The following EMC1 variants were observed in gnomAD, a reference collection of about 807,000 sequenced individuals.
EMC1 encodes KIAA0090.
In EMC1, 103 loss-of-function variants were observed where a neutral mutation model predicts 128.8. The observed-to-expected ratio is 0.80, with a 90% CI of 0.68 to 0.94. EMC1 has a LOEUF of 0.94. EMC1 is among the 40% of genes least tolerant of loss of function. EMC1 has a pLI of 0.00. For synonymous variants in EMC1, 442 were observed against 490.4 expected (o/e 0.90, Z 1.30); for missense variants, 1,083 against 1,250.6 (o/e 0.87, Z 2.02).
chr1:19,226,442 C>T (rs897142879), intron 18 of EMC1, among the ~76,000 whole-genome samples: 1 of 151,744 alleles, frequency 6.6e-6, no homozygotes, highest in African/African-American at 2.4e-5. Context: ...CATAGTGAGA[C>T]CCTGTCAATA....
rs1370882607 is a variant in EMC1, at chr1:19,237,236, C to T, written c.1215G>A (p.Leu405=). 1 of 1,612,438 alleles carries T rather than the reference C, an allele frequency of 6.2e-7. No individual in the cohort carries two copies. Among genetic ancestry groups the T allele is most frequent in the South Asian group, 1.1e-5 (1 of 91,064 alleles). The part of the protein sequence containing the change: ...LEQSGTRPER[L]YIQVFLKKDD... ...CCTTCTTCAAGAACACCTGGATATA[C>T]AGCTATAAGCCACAGTCAAGACCGG... Residue 405 remains leucine (L), a splice_region_variant and synonymous_variant, in exon 12 of 23, where the codon CTG becomes CTA. Coordinates refer to ENST00000477853, the MANE Select transcript of EMC1 (RefSeq NM_015047.3).
intron 2 of EMC1, chr1:19,244,445 T>C (rs10917269): frequency 0.14 from 35,793 of 256,784 alleles, 2,743 homozygotes; most frequent in African/African-American, 0.19. Flanking sequence ...AAGGTGTTGC[T>C]CTATTGCCCA....
rs6661253 is a variant in EMC1, at chr1:19,243,652, G to A, written c.342C>T (p.Ile114=). The stretch of plus-strand genomic sequence containing the variant: ...GGGTTATCTCCCAGTTCAGGCCCCC[G>A]ATGTTAGTCTCCCAGGAACGCATGA... ...GRIMRSWETN[I]GGLNWEITLD... The change falls in exon 4 of 23, where the codon ATC becomes ATT. Residue 114 remains isoleucine, a synonymous_variant. Transcript: ENST00000477853. 7.2e-3 allele frequency: 11,659 copies of A among 1,614,076 alleles called. 608 individuals carry two copies. The African/African-American group carries it at 0.11, about 16-fold the overall frequency.
chr1:19,225,386 TC>T (rs780377942), intron 18 of EMC1, among the ~76,000 whole-genome samples: 11 of 151,952 alleles, frequency 7.2e-5, no homozygotes, highest in Non-Finnish European at 1.3e-4. Context: ...GCACGGTGGC[TC>T]CCGCCTGTAA....
chr1:19,231,540 C>G (rs548521035), intron 15 of EMC1, 118 bp from the exon 16 acceptor site: 2 of 1,087,256 alleles, frequency 1.8e-6, no homozygotes, highest in African/African-American at 3.2e-5. Context: ...TCTTTGCCCT[C>G]TTTGTGGAAA....
chr1:19,227,996 G>A (rs1253369849), intron 17 of EMC1, among the ~76,000 whole-genome samples: 2 of 151,936 alleles, frequency 1.3e-5, no homozygotes, highest in Non-Finnish European at 2.9e-5. Flanking sequence ...ACCTGAGGTC[G>A]GGAGTTTGAG....
chr1:19,244,055 G>A, intron 2 of EMC1, 40 bp from the exon 3 acceptor site: 1 of 1,596,352 alleles, frequency 6.3e-7, no homozygotes, highest in Non-Finnish European at 8.6e-7. Context: ...TGAACAAAAG[G>A]TGGCAACCCA....
intron 3 of EMC1, 75 bp from the exon 4 acceptor site, chr1:19,243,782 G>A: frequency 2.0e-6 from 3 of 1,505,240 alleles, no homozygotes; most frequent in Non-Finnish European, 1.8e-6. Flanking sequence ...TGTGAGCAGT[G>A]GCCTCACCTC....
rs774959509 is a variant in EMC1 at position 19,219,356 on chromosome 1, T to C, written c.2929A>G (p.Met977Val). 5 of 1,613,984 alleles carry C rather than the reference T, an allele frequency of 3.1e-6. No individual in the cohort carries two copies. Among genetic ancestry groups the C allele is most frequent in the Non-Finnish European group, 3.4e-6 (4 of 1,180,036 alleles). The change falls in exon 23 of 23, where the codon ATG becomes GTG. Residue 977 changes from methionine to valine, a missense_variant. This residue lies in a region of EMC1 where 527 missense variants were observed against 644.1 expected (regional missense o/e 0.82). Transcript: ENST00000477853. ...ACCTGTGCCAGTCTCTTAGTGATCA[T>C]GGTGGCAAAAACCAGGCCAAAGAGG... is the stretch of plus-strand genomic sequence containing the variant. ...SVLFGLVFAT[M>V]ITKRLAQVKL...
rs936124034 is a variant in EMC1 at position 19,217,919 on chromosome 1, T to C, written c.*1384A>G. 5 of 152,218 alleles carry C rather than the reference T, an allele frequency of 3.3e-5. No individual in the cohort carries two copies. The highest frequency in any genetic ancestry group is 7.2e-5 in the African/African-American group (3 of 41,464). The allele number at this position is 152,218 out of a possible 1,614,324, so 9.4% of individuals were successfully genotyped here. On this transcript the variant is annotated 3_prime_UTR_variant, in exon 23 of 23. Coordinates refer to ENST00000477853, the MANE Select transcript of EMC1 (RefSeq NM_015047.3). ...ATAATCTACCATCAGCATATGACCA[T>C]AGAAAGATGACAAATTTTTAGATAA...
At chr1:19,242,931 AC>A (rs2093614720) in intron 4 of EMC1, among the ~76,000 whole-genome samples, 1 of 152,148 alleles carries the variant, frequency 6.6e-6, no homozygotes, top group African/African-American at 2.4e-5. Context: ...AATACAAATG[AC>A]CCTATCATTT....
In EMC1 at chr1:19,223,572, GGAGA is replaced by G. The variant is rs762792538; in HGVS notation, c.2203-7_2203-4del. On this transcript the variant is annotated splice_polypyrimidine_tract_variant and splice_region_variant and intron_variant, in intron 18 of 22. Transcript: ENST00000477853. ...GCCAGCAGGTTGGGGTTCAGGCTCT[GGAGA>G]GAGAGAGAAAACCTCCCTTAGAACC... 1 of 1,613,142 alleles carries G rather than the reference GGAGA, an allele frequency of 6.2e-7. No individual in the cohort carries two copies.
In EMC1 at chr1:19,230,824, G is replaced by C; in HGVS notation, c.2064+20C>G. 6.2e-7 allele frequency: 1 copy of C among 1,613,826 alleles called. No homozygotes were observed. Among genetic ancestry groups the C allele is most frequent in the East Asian group, 2.2e-5 (1 of 44,872 alleles). The stretch of plus-strand genomic sequence containing the variant: ...CTGCATCTCATCCACAAAGGGTTGT[G>C]CCAGGACATGCCTTCCTACCTTTCG... On this transcript the variant is annotated intron_variant, in intron 17 of 22. Transcript: ENST00000477853.
chr1:19,220,656 C>T (rs1490209090), intron 21 of EMC1, 108 bp downstream of exon 21: 5 of 814,422 alleles, frequency 6.1e-6, no homozygotes, highest in African/African-American at 1.7e-5. Context: ...GCTACATCCC[C>T]AGCCCCTAGC....
At chr1:19,232,568 C>G in intron 15 of EMC1, 56 bp downstream of exon 15, 1 of 1,604,428 alleles carries the variant, frequency 6.2e-7, no homozygotes, top group East Asian at 2.2e-5. Context: ...ATTTAAGTTA[C>G]AAAATAGCAA....
chr1:19,232,942 T>A lies in EMC1; in HGVS notation c.1626A>T (p.Ser542=). ...GAGCTTAAACCCCACTCACCTTGCC[T>A]GAGGCTGTTACCATCACCATCATCT... ...LQKMMVMVTA[S]GKLFGIESSS... Residue 542 remains serine, a synonymous_variant, in exon 14 of 23, where the codon TCA becomes TCT. Coordinates refer to ENST00000477853, the MANE Select transcript of EMC1 (RefSeq NM_015047.3). 6.2e-7 allele frequency: 1 copy of A among 1,614,040 alleles called. No individual in the cohort carries two copies. Among genetic ancestry groups the A allele is most frequent in the East Asian group, 2.2e-5 (1 of 44,886 alleles).
In EMC1 at chr1:19,240,389, C is replaced by G. The variant is rs1250309487; in HGVS notation, c.694G>C (p.Glu232Gln). Reference protein sequence around the residue: ...HLSGACGVVDEAVLVCPDPSS... With the variant: ...HLSGACGVVDQAVLVCPDPSS... ...GGGTCAGGACACACCAGGACAGCCT[C>G]ATCCACCACACCACAGGCTCCAGAC... is the stretch of plus-strand genomic sequence containing the variant. Residue 232 changes from glutamate (E) to glutamine (Q), a missense_variant, in exon 7 of 23, where the codon GAG becomes CAG. Physicochemically the swap from Glu to Gln is conservative, Grantham distance 29. This residue lies in a region of EMC1 where 544 missense variants were observed against 572.4 expected (regional missense o/e 0.95). Coordinates refer to ENST00000477853, the MANE Select transcript of EMC1 (RefSeq NM_015047.3). 1.9e-6 allele frequency: 3 copies of G among 1,614,106 alleles called. No individual in the cohort carries two copies. The highest frequency in any genetic ancestry group is 2.5e-6 in the Non-Finnish European group (3 of 1,180,040).
chr1:19,239,637 C>T (rs2093591461), intron 8 of EMC1, 181 bp downstream of exon 8: 1 of 624,394 alleles, frequency 1.6e-6, no homozygotes, highest in Non-Finnish European at 2.8e-6. Context: ...TTGTAATACT[C>T]AGGAGGAAAT....
Position 19,222,658 on chromosome 1 carries a change from G to A in EMC1, c.2553C>T (p.Ile851=), listed in dbSNP as rs148902366. 1.2e-4 allele frequency: 197 copies of A among 1,614,130 alleles called. 2 individuals are homozygous for A. The highest frequency in any genetic ancestry group is 1.1e-3 in the East Asian group (51 of 44,878). The part of the protein sequence containing the change: ...PSSISAMEAT[I]TERGITSRHL... ...GTCGGCTGGTGATGCCCCGTTCGGT[G>A]ATGGTGGCCTCCATGGCACTGATGG... Residue 851 remains isoleucine, a synonymous_variant, in exon 20 of 23, where the codon ATC becomes ATT. Transcript: ENST00000477853.
Sources: gnomAD v4.1 joint callset for allele counts (sites outside exome capture counted in the v4.1 genomes callset) on GRCh38, gnomAD v4.1.1 for gene constraint, gnomAD v4.1.1 regional missense constraint, MANE v1.5 for transcripts, NCBI Gene and HGNC (gene_info 2026-07-23, HGNC 2026-07-21) for gene names.